Variants in FCHSD2 observed in about 807,000 individuals in gnomAD.
FCHSD2 encodes F-BAR and double SH3 domains protein 2.
In FCHSD2, 38 loss-of-function variants were observed where a neutral mutation model predicts 108.1. The ratio of observed to expected loss-of-function variants is 0.35; its 90% CI spans 0.27 to 0.46. The LOEUF is 0.46. Among genes scored for constraint, FCHSD2 ranks in the 20% least tolerant of loss-of-function variants. FCHSD2 has a pLI of 1.00. For missense variants in FCHSD2, 751 were observed against 897.8 expected (o/e 0.84, Z 2.09); for synonymous variants, 279 against 314.7 (o/e 0.89, Z 1.20).
At chr11:72,869,287 A>C (rs540744643) in intron 12 of FCHSD2, among the ~76,000 whole-genome samples, 1 of 152,306 alleles carries the variant, frequency 6.6e-6, no homozygotes, top group African/African-American at 2.4e-5. Flanking sequence ...CAAATTAATT[A>C]AGTTCTTCCT....
chr11:72,960,811 G>T (rs1856806284), intron 8 of FCHSD2, among the ~76,000 whole-genome samples: 1 of 152,106 alleles, frequency 6.6e-6, no homozygotes, highest in African/African-American at 2.4e-5. Context: ...CTGATAATAA[G>T]AATACAGGTA....
chr11:72,956,906 ACAT>A (rs1856722446), intron 8 of FCHSD2, among the ~76,000 whole-genome samples: 1 of 151,972 alleles, frequency 6.6e-6, no homozygotes, highest in African/African-American at 2.4e-5. Flanking sequence ...AGACAGTTTG[ACAT>A]CATGCACTTC....
At chr11:72,949,221 G>A (rs555613182) in intron 8 of FCHSD2, among the ~76,000 whole-genome samples, 5 of 152,130 alleles carry the variant, frequency 3.3e-5, no homozygotes, top group Admixed American at 1.3e-4. Context: ...GGCCCATGGC[G>A]GGCAGATCAC....
chr11:72,939,372 C>CT (rs1284046680), intron 8 of FCHSD2, among the ~76,000 whole-genome samples: 2 of 152,110 alleles, frequency 1.3e-5, no homozygotes, highest in African/African-American at 4.8e-5. Context: ...AAAAACCTTT[C>CT]TAAGGAATGG....
chr11:72,980,663 ATG>A (rs1299967370), intron 8 of FCHSD2, among the ~76,000 whole-genome samples: 13 of 107,174 alleles, frequency 1.2e-4, no homozygotes, highest in Admixed American at 5.3e-4. Context: ...ATGTATGTGT[ATG>A]TGTGTGTGTG....
In FCHSD2 at chr11:72,900,316, C is replaced by A. The variant is rs368010371; in HGVS notation, c.924+2227G>T. 7 of 1,502,214 alleles carry A rather than the reference C, an allele frequency of 4.7e-6. No individual in the cohort carries two copies. In the East Asian group the frequency reaches 1.3e-4, roughly 29 times the overall value. The allele number at this position is 1,502,214 out of a possible 1,614,324, so 93.1% of individuals were successfully genotyped here. On this transcript the variant is annotated intron_variant, in intron 10 of 19. Transcript: ENST00000409418. ...GAGAGCTCAATATCCACCAGTTGGG[C>A]GGCTTTTAAACTCTGCCCAGTAAAG...
chr11:73,019,247 T>C (rs1858044175), intron 3 of FCHSD2, among the ~76,000 whole-genome samples: 1 of 152,204 alleles, frequency 6.6e-6, no homozygotes, highest in African/African-American at 2.4e-5. Context: ...TCTAAATTTA[T>C]GTAGGAACAA....
chr11:73,022,801 G>C (rs1565372107), intron 3 of FCHSD2, among the ~76,000 whole-genome samples: 1 of 152,042 alleles, frequency 6.6e-6, no homozygotes, highest in East Asian at 1.9e-4. Flanking sequence ...TACCTTGAAG[G>C]CTGCAGGAAT....
chr11:73,048,529 C>G (rs1376311398), intron 3 of FCHSD2, among the ~76,000 whole-genome samples: 1 of 152,216 alleles, frequency 6.6e-6, no homozygotes, highest in Non-Finnish European at 1.5e-5. Context: ...TAGAGCATCT[C>G]TGCTTCAGGT....
chr11:73,003,039 T>C lies in FCHSD2; in HGVS notation c.243-1905A>G, dbSNP rs554189781. On this transcript the variant is annotated intron_variant, in intron 4 of 19. Transcript: ENST00000409418. ...ATGAATGTATTAACTATGAAGACTG[T>C]ACAATAAAAAGACAAATCCTTTCAT... Among the ~76,000 whole-genome samples the C allele has an allele frequency of 5.9e-5, 9 of 152,320 alleles. No individual in the cohort carries two copies. In the South Asian group the frequency reaches 1.9e-3, roughly 32 times the overall value.
At chr11:73,118,795 C>A (rs1860663873) in intron 2 of FCHSD2, among the ~76,000 whole-genome samples, 1 of 152,108 alleles carries the variant, frequency 6.6e-6, no homozygotes, top group African/African-American at 2.4e-5. Context: ...CTCTGAGAGA[C>A]CACTATTACC....
chr11:73,053,621 A>G (rs1289681295), intron 3 of FCHSD2, among the ~76,000 whole-genome samples: 4 of 152,248 alleles, frequency 2.6e-5, no homozygotes, highest in Non-Finnish European at 4.4e-5. Flanking sequence ...TAGATTAGAT[A>G]AACTAATAGC....
At chr11:73,074,302 T>C (rs1859498731) in intron 3 of FCHSD2, among the ~76,000 whole-genome samples, 1 of 152,184 alleles carries the variant, frequency 6.6e-6, no homozygotes, top group Non-Finnish European at 1.5e-5. Flanking sequence ...CAAGACTACA[T>C]AATATCATAG....
intron 2 of FCHSD2, among the ~76,000 whole-genome samples, chr11:73,135,084 C>T (rs1160223334): frequency 2.0e-5 from 3 of 152,222 alleles, no homozygotes; most frequent in Non-Finnish European, 2.9e-5. Flanking sequence ...GAACTCCTGA[C>T]CTCAAGTGAT....
At chr11:73,042,613 T>C (rs1591507272) in intron 3 of FCHSD2, among the ~76,000 whole-genome samples, 1 of 152,202 alleles carries the variant, frequency 6.6e-6, no homozygotes, top group Non-Finnish European at 1.5e-5. Flanking sequence ...AGTATCTTGA[T>C]AGAGACTGCA....
intron 13 of FCHSD2, among the ~76,000 whole-genome samples, chr11:72,856,967 AC>A (rs1254048732): frequency 6.6e-6 from 1 of 152,252 alleles, no homozygotes; most frequent in Non-Finnish European, 1.5e-5. Flanking sequence ...AAAACACAAC[AC>A]CCATACATTT....
At chr11:72,865,237 G>A (rs1219673661) in intron 13 of FCHSD2, among the ~76,000 whole-genome samples, 1 of 152,154 alleles carries the variant, frequency 6.6e-6, no homozygotes, top group Non-Finnish European at 1.5e-5. Flanking sequence ...TCCTCAGCCA[G>A]CTAGCTGTCA....
chr11:72,966,592 G>C (rs903083700), intron 8 of FCHSD2, among the ~76,000 whole-genome samples: 3 of 152,178 alleles, frequency 2.0e-5, no homozygotes, highest in African/African-American at 7.2e-5. Flanking sequence ...TGTGTCCCTA[G>C]TACTTAATGA....
At chr11:73,079,500 G>C in intron 3 of FCHSD2, among the ~76,000 whole-genome samples, 1 of 151,980 alleles carries the variant, frequency 6.6e-6, no homozygotes, top group East Asian at 1.9e-4. Context: ...GCCTGGCCTA[G>C]AAGTAAATAA....
Sources: gnomAD v4.1 joint callset for allele counts (sites outside exome capture counted in the v4.1 genomes callset) on GRCh38, gnomAD v4.1.1 for gene constraint, MANE v1.5 for transcripts, NCBI Gene and HGNC (gene_info 2026-07-23, HGNC 2026-07-21) for gene names.